The following CYP4F2 variants were observed in gnomAD, a reference collection of about 807,000 sequenced individuals.
The protein encoded by CYP4F2 is cytochrome P450 family 4 subfamily F member 2.
Under a neutral mutation model 58.9 loss-of-function variants are expected in CYP4F2, and 58 were observed. The observed-to-expected ratio is 0.98, with a 90% CI of 0.80 to 1.23. The LOEUF is 1.23. Ranked by LOEUF, CYP4F2 falls within the 50% of genes most tolerant of loss-of-function variation. The pLI is 0.00. For missense variants in CYP4F2, 616 were observed against 685.6 expected, an observed-to-expected ratio of 0.90 and a Z score of 1.13; for synonymous variants, 287 against 261.1, an observed-to-expected ratio of 1.10 and a Z score of -0.95.
intron 5 of CYP4F2, among the ~76,000 whole-genome samples, chr19:15,890,792 A>C (rs952612969): frequency 2.0e-5 from 3 of 152,232 alleles, no homozygotes; most frequent in Non-Finnish European, 2.9e-5. Context: ...CCACCTCGCC[A>C]TGCTCACTTA....
Position 15,895,595 on chromosome 19 carries a change from G to T in CYP4F2, c.254C>A (p.Pro85His). 2 of 1,594,480 alleles carry T rather than the reference G, an allele frequency of 1.3e-6. No homozygotes were observed. Among genetic ancestry groups the T allele is most frequent in the Non-Finnish European group, 1.7e-6 (2 of 1,171,882 alleles). The change falls in exon 3 of 13, where the codon CCC becomes CAC. Residue 85 changes from proline to histidine, a missense_variant. Transcript: ENST00000221700. Reference sequence around the variant, plus strand: ...TCCCATCCAGACCTTAAAGCCCTGGGGGTAGGTGGCCACCAGCTGAGTCAG... The same window carrying T: ...TCCCATCCAGACCTTAAAGCCCTGGTGGTAGGTGGCCACCAGCTGAGTCAG... ...RVLTQLVATY[P>H]QGFKVWMGPI...
intron 1 of CYP4F2, 112 bp from the exon 2 acceptor site, chr19:15,897,724 G>A (rs1404333587): frequency 1.8e-5 from 24 of 1,346,540 alleles, no homozygotes; most frequent in Non-Finnish European, 2.1e-5. Flanking sequence ...AGAGCAGGGA[G>A]GGCTCAGGGA....
chr19:15,879,900 A>C lies in CYP4F2; in HGVS notation c.1116-3T>G. 1.2e-6 allele frequency: 2 copies of C among 1,614,126 alleles called. No homozygotes were observed. Among genetic ancestry groups the C allele is most frequent in the Non-Finnish European group, 1.7e-6 (2 of 1,180,024 alleles). On this transcript the variant is annotated splice_region_variant and splice_polypyrimidine_tract_variant and intron_variant, in intron 9 of 12. Transcript: ENST00000221700. ...AGGGCAAATGGGCCAGGTCGTCCCT[A>C]AGGAAACACCCCAGCCCCAATCCTT...
At position 15,885,969 on chromosome 19, in the gene CYP4F2, T is replaced by C. The variant is rs762788864; in HGVS notation, c.1070A>G (p.Glu357Gly). 6.2e-7 allele frequency: 1 copy of C among 1,614,082 alleles called. No individual in the cohort carries two copies. The highest frequency in any genetic ancestry group is 8.5e-7 in the Non-Finnish European group (1 of 1,180,000). The change falls in exon 9 of 13, where the codon GAG (glutamate) becomes GGG (glycine). Residue 357 changes from glutamate (E) to glycine (G), a missense_variant. Glu to Gly is a moderately conservative substitution (Grantham distance 98). Transcript: ENST00000221700. ...ACGGTCCTTCAGAAGTTCTTGCACC[T>C]CCTGCCGGCAGCGCTCCTGGTATTC... Reference protein sequence around the residue: ...HPEYQERCRQEVQELLKDREP... With the variant: ...HPEYQERCRQGVQELLKDREP...
At position 15,890,404 on chromosome 19, in the gene CYP4F2, A is replaced by G; in HGVS notation, c.555T>C (p.Gly185=). The G allele has an allele frequency of 4.3e-6, 7 of 1,614,032 alleles. No individual in the cohort carries two copies. Among genetic ancestry groups the G allele is most frequent in the Non-Finnish European group, 5.9e-6 (7 of 1,179,984 alleles). The change falls in exon 6 of 13, where the codon GGT becomes GGC. Residue 185 remains glycine (G), a synonymous_variant. Transcript: ENST00000221700. ...GCTCAAACATATCCAAACAGGCACT[A>G]CCCTCTGAGGCCAGGAGCTGCCACT... The part of the protein sequence containing the change: ...HAKWQLLASE[G]SACLDMFEHI...
At chr19:15,887,084 C>A (rs1219951771) in intron 7 of CYP4F2, among the ~76,000 whole-genome samples, 1 of 152,160 alleles carries the variant, frequency 6.6e-6, no homozygotes, top group African/African-American at 2.4e-5. Flanking sequence ...TACACATAGA[C>A]AAAGACATAG....
Position 15,890,188 on chromosome 19 carries a change from A to G in CYP4F2, c.647+124T>C, listed in dbSNP as rs1238520231. 2.3e-5 allele frequency: 34 copies of G among 1,497,662 alleles called. 1 individual carries two copies. In the Admixed American group the frequency reaches 6.4e-4, roughly 28 times the overall value. The allele number at this position is 1,497,662 out of a possible 1,614,324, so 92.8% of individuals were successfully genotyped here. A position where few individuals can be genotyped will look rare whatever the true frequency, so the allele number is the denominator to read the frequency against. Reference sequence around the variant, plus strand: ...AAGATAAAGTTCATACCAGTCCTTCAATGATCAGGTATAACAAAACTCCTC... The same window carrying G: ...AAGATAAAGTTCATACCAGTCCTTCGATGATCAGGTATAACAAAACTCCTC... On this transcript the variant is annotated intron_variant, in intron 6 of 12. Transcript: ENST00000221700.
At chr19:15,890,764 C>T (rs762621847) in intron 5 of CYP4F2, among the ~76,000 whole-genome samples, 3 of 152,160 alleles carry the variant, frequency 2.0e-5, no homozygotes, top group Admixed American at 6.5e-5. Context: ...CCATATAATT[C>T]ACATTAGAAA....
At chr19:15,885,884 GAGA>G in intron 9 of CYP4F2, 37 bp downstream of exon 9, 1 of 1,596,330 alleles carries the variant, frequency 6.3e-7, no homozygotes, top group South Asian at 1.1e-5. Context: ...CAGAGCCAAT[GAGA>G]AGGTCTCAGG....
chr19:15,895,600 G>T lies in CYP4F2; in HGVS notation c.249C>A (p.Thr83=), dbSNP rs1224152199. The T allele has an allele frequency of 5.6e-6, 9 of 1,594,956 alleles. No homozygotes were observed. Among genetic ancestry groups the T allele is most frequent in the Non-Finnish European group, 7.7e-6 (9 of 1,172,014 alleles). ...GMRVLTQLVA[T]YPQGFKVWMG... is the part of the protein sequence containing the mutation. Reference sequence around the variant, plus strand: ...TCCAGACCTTAAAGCCCTGGGGGTAGGTGGCCACCAGCTGAGTCAGAACTC... The same window carrying T: ...TCCAGACCTTAAAGCCCTGGGGGTATGTGGCCACCAGCTGAGTCAGAACTC... Residue 83 remains threonine (T), a synonymous_variant, in exon 3 of 13, where the codon ACC becomes ACA. Coordinates refer to ENST00000221700, the MANE Select transcript of CYP4F2 (RefSeq NM_001082.5).
intron 5 of CYP4F2, among the ~76,000 whole-genome samples, chr19:15,891,797 G>A (rs1342421555): frequency 6.6e-6 from 1 of 152,130 alleles, no homozygotes; most frequent in African/African-American, 2.4e-5. Flanking sequence ...AGACACGTGA[G>A]AGAACCCAAA....
chr19:15,884,673 G>A (rs1168562531), intron 9 of CYP4F2, among the ~76,000 whole-genome samples: 3 of 152,170 alleles, frequency 2.0e-5, no homozygotes, highest in Non-Finnish European at 2.9e-5. Context: ...TTTAAAAGCA[G>A]AAAAATGTTT....
intron 9 of CYP4F2, among the ~76,000 whole-genome samples, chr19:15,885,081 C>T (rs537829737): frequency 6.6e-6 from 1 of 151,434 alleles, no homozygotes; most frequent in Admixed American, 6.6e-5. Flanking sequence ...CTGTCCTGAC[C>T]CTGCTCTCTC....
At chr19:15,896,044 A>C (rs8112642) in intron 2 of CYP4F2, among the ~76,000 whole-genome samples, 27,233 of 148,052 alleles carry the variant, frequency 0.18, 2,635 homozygotes, top group African/African-American at 0.24. Context: ...ATGCATCCAT[A>C]TGTCCTATTA....
chr19:15,881,604 T>TA (rs1459716316), intron 9 of CYP4F2, among the ~76,000 whole-genome samples: 2 of 142,690 alleles, frequency 1.4e-5, no homozygotes, highest in African/African-American at 2.5e-5. Flanking sequence ...GATAGATAGA[T>TA]AACAAATCTA....
intron 5 of CYP4F2, among the ~76,000 whole-genome samples, chr19:15,892,096 C>A (rs2089419440): frequency 6.6e-6 from 1 of 152,178 alleles, no homozygotes; most frequent in African/African-American, 2.4e-5. Flanking sequence ...TTCTGGGCAC[C>A]TGCTATGCAC....
At chr19:15,895,680 T>G in intron 2 of CYP4F2, 30 bp from the exon 3 acceptor site, 4 of 1,580,454 alleles carry the variant, frequency 2.5e-6, no homozygotes, top group Non-Finnish European at 3.4e-6. Flanking sequence ...CATTACCTTC[T>G]GTGATAGTTA....
At chr19:15,886,183 C>T in intron 8 of CYP4F2, 59 bp downstream of exon 8, 1 of 1,612,290 alleles carries the variant, frequency 6.2e-7, no homozygotes, top group Non-Finnish European at 8.5e-7. Context: ...GTCTACCCAC[C>T]CTGTTCCTGG....
chr19:15,879,960 C>G, intron 9 of CYP4F2, 63 bp from the exon 10 acceptor site: 1 of 1,596,092 alleles, frequency 6.3e-7, no homozygotes, highest in Non-Finnish European at 8.5e-7. Flanking sequence ...TCCAGCTTCT[C>G]TCTGTTTGCA....
Sources: gnomAD v4.1 joint callset for allele counts (sites outside exome capture counted in the v4.1 genomes callset) on GRCh38, gnomAD v4.1.1 for gene constraint, MANE v1.5 for transcripts, NCBI Gene and HGNC (gene_info 2026-07-23, HGNC 2026-07-21) for gene names.